Variants in CACNA2D3 observed in about 807,000 individuals in gnomAD.
CACNA2D3 encodes calcium voltage-gated channel auxiliary subunit alpha2delta 3.
CACNA2D3 carries 60 observed loss-of-function variants against 160.6 expected under a neutral mutation model. The observed-to-expected ratio is 0.37, with a 90% CI of 0.30 to 0.46. The LOEUF is 0.46. CACNA2D3 is among the 20% of genes least tolerant of loss of function. The probability of loss-of-function intolerance (pLI) is 1.00; values close to 1 mark genes in which losing one functional copy is unlikely to be tolerated. For missense variants in CACNA2D3, 1,205 were observed against 1,365.0 expected, an observed-to-expected ratio of 0.88 and a Z score of 1.85; for synonymous variants, 558 against 492.9, an observed-to-expected ratio of 1.13 and a Z score of -1.75.
intron 9 of CACNA2D3, among the ~76,000 whole-genome samples, chr3:54,620,813 T>C (rs916027345): frequency 2.0e-5 from 3 of 152,224 alleles, no homozygotes; most frequent in Non-Finnish European, 4.4e-5. Context: ...TTGACCTTTC[T>C]AGTGTCCTCG....
chr3:54,187,439 G>C (rs1700897702), intron 2 of CACNA2D3, among the ~76,000 whole-genome samples: 1 of 152,096 alleles, frequency 6.6e-6, no homozygotes, highest in Non-Finnish European at 1.5e-5. Flanking sequence ...TTTCTTCAAG[G>C]AGAGCACATC....
chr3:54,462,628 G>A (rs1054966918), intron 4 of CACNA2D3, among the ~76,000 whole-genome samples: 1 of 152,034 alleles, frequency 6.6e-6, no homozygotes, highest in Non-Finnish European at 1.5e-5. Context: ...CATTTGCTTG[G>A]TAGATCTTCC....
At chr3:54,445,114 A>G (rs1700200724) in intron 4 of CACNA2D3, among the ~76,000 whole-genome samples, 1 of 152,150 alleles carries the variant, frequency 6.6e-6, no homozygotes, top group Non-Finnish European at 1.5e-5. Flanking sequence ...TCCAATGACA[A>G]ATGGTAGTGA....
intron 4 of CACNA2D3, among the ~76,000 whole-genome samples, chr3:54,410,422 A>T (rs1287870458): frequency 6.6e-6 from 1 of 151,938 alleles, no homozygotes; most frequent in African/African-American, 2.4e-5. Context: ...GCTCGGGCTG[A>T]CTCTCTTATT....
At chr3:54,219,410 C>CT (rs1373842035) in intron 2 of CACNA2D3, among the ~76,000 whole-genome samples, 2 of 152,134 alleles carry the variant, frequency 1.3e-5, no homozygotes, top group Admixed American at 1.3e-4. Context: ...GATATCCGCT[C>CT]TGTTTTTCTA....
intron 4 of CACNA2D3, among the ~76,000 whole-genome samples, chr3:54,476,170 C>T (rs1431968028): frequency 6.7e-6 from 1 of 148,458 alleles, no homozygotes; most frequent in African/African-American, 2.5e-5. Context: ...CAAATGGTAG[C>T]ATTTCCTTCT....
chr3:54,740,462 A>G (rs1208966725), intron 11 of CACNA2D3, among the ~76,000 whole-genome samples: 2 of 152,102 alleles, frequency 1.3e-5, no homozygotes, highest in Admixed American at 6.6e-5. Context: ...GCATGCTTCC[A>G]TAGTGGGAGT....
chr3:54,725,111 A>T (rs1397586840), intron 11 of CACNA2D3, among the ~76,000 whole-genome samples: 2 of 152,192 alleles, frequency 1.3e-5, no homozygotes, highest in Non-Finnish European at 2.9e-5. Flanking sequence ...AATACAAACT[A>T]CCATCAGAGA....
chr3:54,552,934 A>T (rs188854475), intron 5 of CACNA2D3, among the ~76,000 whole-genome samples: 2 of 152,352 alleles, frequency 1.3e-5, no homozygotes, highest in East Asian at 3.9e-4. Context: ...AATTCTAATC[A>T]TTCACCAGGG....
intron 5 of CACNA2D3, among the ~76,000 whole-genome samples, chr3:54,535,286 T>C (rs1366995827): frequency 2.6e-5 from 4 of 152,222 alleles, no homozygotes; most frequent in African/African-American, 9.6e-5. Flanking sequence ...TCCAGTTGAT[T>C]CTGATGCATT....
chr3:54,372,667 A>G (rs1698946074), intron 3 of CACNA2D3, among the ~76,000 whole-genome samples: 2 of 152,182 alleles, frequency 1.3e-5, no homozygotes, highest in Admixed American at 1.3e-4. Context: ...TGTTATTTTG[A>G]AATAAAGTTA....
chr3:54,860,396 C>G (rs146443071), intron 17 of CACNA2D3, among the ~76,000 whole-genome samples: 2 of 152,152 alleles, frequency 1.3e-5, no homozygotes, highest in Non-Finnish European at 2.9e-5. Context: ...TAGCTGCACC[C>G]CAGGAAGAGG....
At chr3:54,646,017 C>T (rs1458532885) in intron 11 of CACNA2D3, among the ~76,000 whole-genome samples, 3 of 152,070 alleles carry the variant, frequency 2.0e-5, no homozygotes, top group East Asian at 3.9e-4. Flanking sequence ...TGCTTTTAAC[C>T]AATGGAATCT....
intron 27 of CACNA2D3, among the ~76,000 whole-genome samples, chr3:54,936,353 A>G (rs1446357659): frequency 6.6e-6 from 1 of 152,160 alleles, no homozygotes; most frequent in Non-Finnish European, 1.5e-5. Flanking sequence ...TTCGTATTAT[A>G]AAGCCTTTGT....
At chr3:54,517,797 A>G (rs1701578046) in intron 5 of CACNA2D3, among the ~76,000 whole-genome samples, 1 of 151,998 alleles carries the variant, frequency 6.6e-6, no homozygotes, top group Non-Finnish European at 1.5e-5. Flanking sequence ...CTGTTGCTCC[A>G]ACCCTGCCTC....
At chr3:54,220,762 CTCT>C (rs1171755040) in intron 2 of CACNA2D3, among the ~76,000 whole-genome samples, 1 of 152,194 alleles carries the variant, frequency 6.6e-6, no homozygotes, top group African/African-American at 2.4e-5. Context: ...GGGCTGTCAC[CTCT>C]TCTTCCCTGT....
At chr3:54,816,769 G>A (rs569545925) in intron 13 of CACNA2D3, 84 bp from the exon 14 acceptor site, 1 of 1,510,324 alleles carries the variant, frequency 6.6e-7, no homozygotes, top group Non-Finnish European at 9.0e-7. Flanking sequence ...TTTGCAAATG[G>A]CAAGAAAATG....
chr3:54,357,614 G>A (rs1015223068), intron 3 of CACNA2D3, among the ~76,000 whole-genome samples: 2 of 152,184 alleles, frequency 1.3e-5, no homozygotes, highest in Non-Finnish European at 2.9e-5. Context: ...AAACCTGCAA[G>A]CAAATGTTTA....
chr3:54,465,709 G>A lies in CACNA2D3; in HGVS notation c.382-37783G>A, dbSNP rs559606124. 7.2e-5 allele frequency among the ~76,000 whole-genome samples: 11 copies of A among 152,234 alleles called. No homozygotes were observed. The East Asian group carries it at 1.4e-3, about 19-fold the overall frequency. ...GGCATTGAAAGAAATGGCCAAAACC[G>A]CAATTACTTTTGCATCAACCTAGAG... On this transcript the variant is annotated intron_variant, in intron 4 of 37. Coordinates refer to ENST00000474759, the MANE Select transcript of CACNA2D3 (RefSeq NM_018398.3).
Sources: gnomAD v4.1 joint callset for allele counts (sites outside exome capture counted in the v4.1 genomes callset) on GRCh38, gnomAD v4.1.1 for gene constraint, MANE v1.5 for transcripts, NCBI Gene and HGNC (gene_info 2026-07-23, HGNC 2026-07-21) for gene names.